MTPN: variants seen among roughly 807,000 people sequenced by gnomAD.
MTPN encodes myotrophin.
A neutral mutation model predicts 13.5 loss-of-function variants in MTPN; 2 were observed. The ratio of observed to expected loss-of-function variants is 0.15; its 90% CI spans 0.06 to 0.47. The LOEUF (loss-of-function observed/expected upper bound fraction) is 0.47. Ranked by LOEUF, MTPN falls within the 20% of genes least tolerant of loss-of-function variation. The pLI is 0.97. For missense variants in MTPN, 79 were observed against 137.9 expected, an observed-to-expected ratio of 0.57 and a Z score of 2.14; for synonymous variants, 46 against 51.7, an observed-to-expected ratio of 0.89 and a Z score of 0.48.
chr7:135,940,954 A>G (rs1304616730), intron 3 of MTPN, among the ~76,000 whole-genome samples: 1 of 152,232 alleles, frequency 6.6e-6, no homozygotes, highest in Non-Finnish European at 1.5e-5. Flanking sequence ...TTACTGGAAC[A>G]TACCTAGGCT....
chr7:135,946,431 T>C (rs535559716), intron 3 of MTPN, among the ~76,000 whole-genome samples: 2 of 152,322 alleles, frequency 1.3e-5, no homozygotes, highest in East Asian at 1.9e-4. Flanking sequence ...TTTAAAACGA[T>C]GTGCCTTATA....
intron 1 of MTPN, among the ~76,000 whole-genome samples, chr7:135,959,514 G>A (rs919251209): frequency 2.0e-5 from 3 of 152,144 alleles, no homozygotes; most frequent in African/African-American, 7.2e-5. Flanking sequence ...ATTAGATTAA[G>A]CTGACTCTGA....
intron 1 of MTPN, among the ~76,000 whole-genome samples, chr7:135,965,257 C>T (rs1189140310): frequency 6.6e-6 from 1 of 152,044 alleles, no homozygotes; most frequent in Admixed American, 6.6e-5. Flanking sequence ...AAAACTTGTA[C>T]ACAACATGAA....
At chr7:135,946,076 T>C (rs1363064178) in intron 3 of MTPN, among the ~76,000 whole-genome samples, 2 of 152,250 alleles carry the variant, frequency 1.3e-5, no homozygotes, top group Non-Finnish European at 2.9e-5. Context: ...GTACTCACCA[T>C]GACCATGGGT....
intron 1 of MTPN, among the ~76,000 whole-genome samples, chr7:135,957,010 T>G (rs1799452015): frequency 6.6e-6 from 1 of 152,218 alleles, no homozygotes; most frequent in South Asian, 2.1e-4. Flanking sequence ...GTCTCCATGT[T>G]GCAAATACAA....
At chr7:135,948,129 C>T (rs1799312090) in intron 3 of MTPN, among the ~76,000 whole-genome samples, 1 of 152,054 alleles carries the variant, frequency 6.6e-6, no homozygotes, top group African/African-American at 2.4e-5. Flanking sequence ...CTGATTATAA[C>T]TTTTAAAAGA....
intron 3 of MTPN, among the ~76,000 whole-genome samples, chr7:135,945,597 T>G (rs1799277646): frequency 6.6e-6 from 1 of 152,184 alleles, no homozygotes; most frequent in Non-Finnish European, 1.5e-5. Flanking sequence ...CTTGTCCCAT[T>G]GGAAGATTTT....
At chr7:135,936,116 G>A (rs977231852) in intron 3 of MTPN, among the ~76,000 whole-genome samples, 5 of 152,122 alleles carry the variant, frequency 3.3e-5, no homozygotes. Context: ...ACTATGTTGA[G>A]GGCAGGAACA....
intron 1 of MTPN, among the ~76,000 whole-genome samples, chr7:135,961,829 G>A (rs1258907358): frequency 6.6e-6 from 1 of 152,010 alleles, no homozygotes; most frequent in Non-Finnish European, 1.5e-5. Context: ...AAAAAGCTAG[G>A]AAGAGTAATC....
chr7:135,937,370 TACACACACACACAC>T (rs35704525), intron 3 of MTPN, among the ~76,000 whole-genome samples: 13 of 144,498 alleles, frequency 9.0e-5, no homozygotes, highest in African/African-American at 2.8e-4. Flanking sequence ...GCTAACTGGA[TACACACACACACAC>T]ACACACACAC....
At chr7:135,954,400 A>C (rs996158335) in intron 1 of MTPN, among the ~76,000 whole-genome samples, 3 of 152,236 alleles carry the variant, frequency 2.0e-5, no homozygotes, top group African/African-American at 7.2e-5. Context: ...AATCAAATTT[A>C]AATAGTAAGG....
intron 3 of MTPN, among the ~76,000 whole-genome samples, chr7:135,946,921 TCTG>T (rs1348344723): frequency 6.6e-6 from 1 of 152,156 alleles, no homozygotes; most frequent in Non-Finnish European, 1.5e-5. Context: ...CTCTCACTCC[TCTG>T]CTGCTGCTAC....
intron 1 of MTPN, among the ~76,000 whole-genome samples, chr7:135,955,076 CAAAA>C (rs1288522441): frequency 1.3e-5 from 2 of 151,930 alleles, no homozygotes; most frequent in Non-Finnish European, 2.9e-5. Context: ...TTTTAGCAGA[CAAAA>C]AGACGATGAG....
intron 3 of MTPN, among the ~76,000 whole-genome samples, chr7:135,937,893 T>C (rs1354295660): frequency 2.6e-5 from 4 of 152,212 alleles, no homozygotes; most frequent in Non-Finnish European, 5.9e-5. Flanking sequence ...ATTTTCTTAA[T>C]AGTCTTTTCT....
At chr7:135,946,686 C>T (rs1799293762) in intron 3 of MTPN, among the ~76,000 whole-genome samples, 1 of 152,170 alleles carries the variant, frequency 6.6e-6, no homozygotes, top group Non-Finnish European at 1.5e-5. Flanking sequence ...ATATCCTTTT[C>T]ATTCCAAAAA....
At chr7:135,975,305 C>G (rs968190545) in intron 1 of MTPN, among the ~76,000 whole-genome samples, 1 of 152,200 alleles carries the variant, frequency 6.6e-6, no homozygotes, top group African/African-American at 2.4e-5. Context: ...TACTAGAAAT[C>G]TTGGTATGAT....
intron 3 of MTPN, among the ~76,000 whole-genome samples, chr7:135,931,277 A>G (rs915448348): frequency 1.3e-5 from 2 of 152,154 alleles, no homozygotes; most frequent in Non-Finnish European, 2.9e-5. Flanking sequence ...CCAACACAAC[A>G]CTATGGGAAG....
Position 135,927,183 on chromosome 7 carries a change from G to C in MTPN, c.*2743C>G. On this transcript the variant is annotated 3_prime_UTR_variant, in exon 4 of 4. Coordinates refer to ENST00000393085, the MANE Select transcript of MTPN (RefSeq NM_145808.4). ...CATACAGATTTAAAATCCAGTACTT[G>C]GGAAAAGATATCAATGAATAAAAGG... 1 of 948,634 alleles carries C rather than the reference G, an allele frequency of 1.1e-6. No homozygotes were observed. The highest frequency in any genetic ancestry group is 2.3e-5 in the South Asian group (1 of 43,676). 58.8% of individuals were successfully genotyped at this position (948,634 alleles called of 1,614,324 possible). A position where few individuals can be genotyped will look rare whatever the true frequency, so the allele number is the denominator to read the frequency against.
intron 1 of MTPN, among the ~76,000 whole-genome samples, chr7:135,965,042 A>G (rs922854644): frequency 2.0e-5 from 3 of 152,078 alleles, no homozygotes; most frequent in African/African-American, 7.2e-5. Context: ...AATAGTTATG[A>G]TAGAGACTGT....
Sources: allele counts gnomAD v4.1 joint callset (sites outside exome capture counted in the v4.1 genomes callset), GRCh38; gene constraint gnomAD v4.1.1; transcripts MANE v1.5; gene names NCBI Gene and HGNC (gene_info 2026-07-23, HGNC 2026-07-21).